The following NEGR1 variants were observed in gnomAD, a reference collection of about 807,000 sequenced individuals.
The protein encoded by NEGR1 is IgLON family member 4.
NEGR1 carries 10 observed loss-of-function variants against 40.9 expected under a neutral mutation model. The ratio of observed to expected loss-of-function variants is 0.24; its 90% CI spans 0.15 to 0.42. NEGR1 has a LOEUF of 0.42. NEGR1 is among the 10% of genes least tolerant of loss of function. NEGR1 has a pLI of 1.00. For missense variants in NEGR1, 352 were observed against 438.9 expected (o/e 0.80, Z 1.77); for synonymous variants, 185 against 166.8 (o/e 1.11, Z -0.84).
chr1:72,279,202 A>G (rs1184457678), intron 1 of NEGR1, among the ~76,000 whole-genome samples: 1 of 152,150 alleles, frequency 6.6e-6, no homozygotes, highest in Admixed American at 6.5e-5. Flanking sequence ...ATACAGTTAG[A>G]TAACAGAATG....
chr1:71,886,820 G>T (rs1035718397), intron 2 of NEGR1, among the ~76,000 whole-genome samples: 2 of 152,184 alleles, frequency 1.3e-5, no homozygotes, highest in African/African-American at 4.8e-5. Flanking sequence ...GAGGAGAAGA[G>T]CACAGGAAAG....
intron 2 of NEGR1, among the ~76,000 whole-genome samples, chr1:71,809,479 T>C (rs57839383): frequency 0.099 from 15,119 of 152,184 alleles, 1,109 homozygotes; most frequent in African/African-American, 0.2. Flanking sequence ...TTGTATTAGG[T>C]ATTGGGGTAA....
At chr1:71,671,785 C>T (rs1033794681) in intron 4 of NEGR1, among the ~76,000 whole-genome samples, 1 of 152,122 alleles carries the variant, frequency 6.6e-6, no homozygotes, top group Admixed American at 6.5e-5. Context: ...CGTTAGTACC[C>T]AATTAATCAT....
At chr1:72,191,281 GT>G (rs1192645509) in intron 1 of NEGR1, among the ~76,000 whole-genome samples, 1 of 151,620 alleles carries the variant, frequency 6.6e-6, no homozygotes, top group Non-Finnish European at 1.5e-5. Flanking sequence ...TCTCCCTAAA[GT>G]TTTAGGTTCC....
chr1:71,850,436 C>T (rs952019836), intron 2 of NEGR1, among the ~76,000 whole-genome samples: 4 of 151,996 alleles, frequency 2.6e-5, no homozygotes, highest in Admixed American at 1.3e-4. Flanking sequence ...GATTACAGCA[C>T]GAGCCACCAC....
At chr1:71,818,721 T>C (rs1247006008) in intron 2 of NEGR1, among the ~76,000 whole-genome samples, 1 of 151,756 alleles carries the variant, frequency 6.6e-6, no homozygotes, top group African/African-American at 2.4e-5. Context: ...AATAAATACA[T>C]AAAAATAAAC....
chr1:72,043,606 T>A (rs1485432015), intron 1 of NEGR1, among the ~76,000 whole-genome samples: 3 of 151,946 alleles, frequency 2.0e-5, no homozygotes, highest in African/African-American at 7.2e-5. Context: ...TAAAATGAAC[T>A]GTATATTCCA....
chr1:71,414,996 G>A (rs566332063), intron 6 of NEGR1, among the ~76,000 whole-genome samples: 4 of 152,104 alleles, frequency 2.6e-5, no homozygotes, highest in Non-Finnish European at 5.9e-5. Flanking sequence ...TCAGATTCCT[G>A]TCAGTCAGCT....
chr1:71,810,329 G>T (rs749795348), intron 2 of NEGR1, among the ~76,000 whole-genome samples: 1 of 152,048 alleles, frequency 6.6e-6, no homozygotes, highest in Non-Finnish European at 1.5e-5. Flanking sequence ...CACAGAGAAT[G>T]GAATTGACAG....
chr1:71,879,402 C>G (rs959192530), intron 2 of NEGR1, among the ~76,000 whole-genome samples: 2 of 152,082 alleles, frequency 1.3e-5, no homozygotes, highest in Admixed American at 1.3e-4. Flanking sequence ...TTTTTAAAAA[C>G]TAAGGTTGCC....
rs552423743 is a variant in NEGR1, at chr1:71,746,087, T to G, written c.535+30085A>C. Among the ~76,000 whole-genome samples, 209 of 152,268 alleles carry G rather than the reference T, an allele frequency of 1.4e-3. 1 individual carries two copies. The highest frequency in any genetic ancestry group is 2.5e-3 in the Non-Finnish European group (171 of 68,014). ...TGAACCTACGCATAAAAATGGATAG[T>G]TTTCCCTTATCTTTGGATCTTCATT... On this transcript the variant is annotated intron_variant, in intron 3 of 6. Transcript: ENST00000357731.
intron 1 of NEGR1, among the ~76,000 whole-genome samples, chr1:72,044,137 AATATTT>A (rs1163607458): frequency 6.6e-6 from 1 of 151,708 alleles, no homozygotes; most frequent in Non-Finnish European, 1.5e-5. Flanking sequence ...AGTTTCAGTT[AATATTT>A]ATAAAGTGCT....
intron 2 of NEGR1, among the ~76,000 whole-genome samples, chr1:71,907,788 G>T (rs1441256889): frequency 6.6e-6 from 1 of 151,992 alleles, no homozygotes; most frequent in African/African-American, 2.4e-5. Context: ...AAGAAAATAG[G>T]GTACATACAC....
chr1:71,647,353 T>C (rs747221126), intron 4 of NEGR1, among the ~76,000 whole-genome samples: 15 of 151,938 alleles, frequency 9.9e-5, no homozygotes, highest in Admixed American at 2.0e-4. Flanking sequence ...AGAAGTTTGA[T>C]CTGCCAAAAT....
chr1:71,761,932 T>G (rs903256306), intron 3 of NEGR1, among the ~76,000 whole-genome samples: 8 of 152,070 alleles, frequency 5.3e-5, no homozygotes. Context: ...TCTCTTGAGT[T>G]TTCCAAGTTT....
At chr1:71,896,346 T>G (rs1660973504) in intron 2 of NEGR1, among the ~76,000 whole-genome samples, 1 of 152,204 alleles carries the variant, frequency 6.6e-6, no homozygotes, top group African/African-American at 2.4e-5. Context: ...TTATATAGTT[T>G]ATTTGGGGAA....
chr1:71,838,376 A>G (rs1659116245), intron 2 of NEGR1, among the ~76,000 whole-genome samples: 1 of 152,148 alleles, frequency 6.6e-6, no homozygotes, highest in Non-Finnish European at 1.5e-5. Context: ...GGAATTAATT[A>G]TCAAATTATA....
chr1:71,590,446 T>A (rs139558023), intron 6 of NEGR1, among the ~76,000 whole-genome samples: 1 of 151,974 alleles, frequency 6.6e-6, no homozygotes, highest in African/African-American at 2.4e-5. Flanking sequence ...CACTTCTCAC[T>A]CATCTGAGAA....
chr1:71,942,872 G>C (rs1645979764), intron 1 of NEGR1, among the ~76,000 whole-genome samples: 1 of 114,918 alleles, frequency 8.7e-6, no homozygotes, highest in Admixed American at 9.4e-5. Context: ...AACGATCGTA[G>C]CTCACTGCAG....
Sources: allele counts gnomAD v4.1 joint callset (sites outside exome capture counted in the v4.1 genomes callset), GRCh38; gene constraint gnomAD v4.1.1; transcripts MANE v1.5; gene names NCBI Gene and HGNC (gene_info 2026-07-23, HGNC 2026-07-21).